Variants in GALNT13 observed in about 807,000 individuals in gnomAD.
The protein encoded by GALNT13 is polypeptide N-acetylgalactosaminyltransferase 13.
Under a neutral mutation model 64.2 loss-of-function variants are expected in GALNT13, and 28 were observed. The observed-to-expected ratio is 0.44, with a 90% CI of 0.32 to 0.60. The LOEUF (loss-of-function observed/expected upper bound fraction) is 0.60, where lower values mean the gene tolerates loss of function less well. Among genes scored for constraint, GALNT13 ranks in the 20% least tolerant of loss-of-function variants. GALNT13 has a pLI of 0.05. For missense variants in GALNT13, 577 were observed against 669.8 expected (o/e 0.86, Z 1.53); for synonymous variants, 214 against 224.6 (o/e 0.95, Z 0.42).
chr2:153,871,681 G>C (rs1685946994), upstream of GALNT13, among the ~76,000 whole-genome samples: 1 of 152,212 alleles, frequency 6.6e-6, no homozygotes, highest in Non-Finnish European at 1.5e-5. Flanking sequence ...CGCGGGACTT[G>C]CGCACATCGC....
At chr2:153,262,486 A>G in the GALNT13 span, among the ~76,000 whole-genome samples, 1 of 152,190 alleles carries the variant, frequency 6.6e-6, no homozygotes, top group Admixed American at 6.5e-5. Flanking sequence ...CCTGGCAGAA[A>G]TACAACAAAA....
intron 9 of GALNT13, among the ~76,000 whole-genome samples, chr2:154,342,533 AT>A (rs2105228315): frequency 6.7e-6 from 1 of 149,878 alleles, no homozygotes; most frequent in African/African-American, 2.4e-5. Flanking sequence ...TTTCTAAATG[AT>A]TTTTTAAAAT....
At chr2:154,360,184 A>G (rs1459504754) in intron 9 of GALNT13, among the ~76,000 whole-genome samples, 1 of 152,150 alleles carries the variant, frequency 6.6e-6, no homozygotes, top group African/African-American at 2.4e-5. Context: ...CATATGTTAC[A>G]GTGGTTTAAT....
chr2:154,056,287 A>G (rs72995331), intron 3 of GALNT13, among the ~76,000 whole-genome samples: 2 of 152,158 alleles, frequency 1.3e-5, no homozygotes, highest in Non-Finnish European at 2.9e-5. Flanking sequence ...TAAGTTGACA[A>G]TGCATTTTAT....
chr2:154,433,293 C>A (rs1183660093), intron 11 of GALNT13, among the ~76,000 whole-genome samples: 1 of 152,202 alleles, frequency 6.6e-6, no homozygotes, highest in East Asian at 1.9e-4. Flanking sequence ...CAAAAAGTGG[C>A]TCACTTATAA....
At chr2:153,101,811 A>T in the GALNT13 span, among the ~76,000 whole-genome samples, 1 of 152,256 alleles carries the variant, frequency 6.6e-6, no homozygotes, top group Non-Finnish European at 1.5e-5. Context: ...GCACGTGCTC[A>T]TGCACATCTG....
At chr2:153,228,708 A>G in the GALNT13 span, among the ~76,000 whole-genome samples, 3 of 151,964 alleles carry the variant, frequency 2.0e-5, no homozygotes, top group Non-Finnish European at 2.9e-5. Context: ...CCCCGTCTCT[A>G]CTAAAAGTAC....
the GALNT13 span, among the ~76,000 whole-genome samples, chr2:153,118,144 CA>C: frequency 6.8e-6 from 1 of 147,566 alleles, no homozygotes; most frequent in Admixed American, 6.8e-5. Context: ...CACACACACA[CA>C]CCCCACATAA....
chr2:154,298,650 G>A (rs1024604720), intron 8 of GALNT13, among the ~76,000 whole-genome samples: 1 of 69,600 alleles, frequency 1.4e-5, no homozygotes. Flanking sequence ...TATATACATT[G>A]TATATACAAT....
chr2:153,075,543 C>G, the GALNT13 span, among the ~76,000 whole-genome samples: 1 of 152,086 alleles, frequency 6.6e-6, no homozygotes, highest in East Asian at 1.9e-4. Flanking sequence ...GTAAATCTCC[C>G]TAGGATTGAG....
At chr2:153,494,834 A>C in the GALNT13 span, among the ~76,000 whole-genome samples, 2 of 152,088 alleles carry the variant, frequency 1.3e-5, no homozygotes, top group Admixed American at 6.5e-5. Flanking sequence ...TAGTAGGAGA[A>C]AACATACATA....
chr2:153,780,879 C>T, the GALNT13 span, among the ~76,000 whole-genome samples: 1 of 152,114 alleles, frequency 6.6e-6, no homozygotes, highest in African/African-American at 2.4e-5. Flanking sequence ...GACATGATTC[C>T]TGTCTCCTCA....
the GALNT13 span, among the ~76,000 whole-genome samples, chr2:153,839,562 A>G: frequency 6.6e-6 from 1 of 151,918 alleles, no homozygotes; most frequent in Non-Finnish European, 1.5e-5. Flanking sequence ...TATATAAGGA[A>G]ATGTTAATAT....
At chr2:153,966,936 C>G (rs1693408458) in intron 3 of GALNT13, among the ~76,000 whole-genome samples, 1 of 151,970 alleles carries the variant, frequency 6.6e-6, no homozygotes, top group African/African-American at 2.4e-5. Context: ...TTTTTCACCC[C>G]TGACTGTATA....
the GALNT13 span, among the ~76,000 whole-genome samples, chr2:153,557,669 T>A: frequency 6.6e-6 from 1 of 152,196 alleles, no homozygotes; most frequent in Non-Finnish European, 1.5e-5. Context: ...ATAAATCATG[T>A]CACTCCTCGG....
chr2:154,251,968 C>T (rs1302478487), intron 7 of GALNT13, among the ~76,000 whole-genome samples: 1 of 152,000 alleles, frequency 6.6e-6, no homozygotes, highest in Non-Finnish European at 1.5e-5. Flanking sequence ...TATTCATGCT[C>T]ATATTTGTAA....
chr2:153,315,282 A>G, the GALNT13 span, among the ~76,000 whole-genome samples: 1 of 152,168 alleles, frequency 6.6e-6, no homozygotes, highest in Non-Finnish European at 1.5e-5. Context: ...TCACTGGTAG[A>G]TTTGGTGCCT....
intron 9 of GALNT13, among the ~76,000 whole-genome samples, chr2:154,387,340 C>T (rs1698561555): frequency 6.6e-6 from 1 of 151,728 alleles, no homozygotes; most frequent in Non-Finnish European, 1.5e-5. Context: ...AATCATAAGG[C>T]ACAATGTGAT....
the GALNT13 span, among the ~76,000 whole-genome samples, chr2:153,085,317 A>G: frequency 6.6e-6 from 1 of 152,202 alleles, no homozygotes; most frequent in Non-Finnish European, 1.5e-5. Flanking sequence ...CATAAGTAAC[A>G]AGGAGCTGGA....
Sources: gnomAD v4.1 joint callset for allele counts (sites outside exome capture counted in the v4.1 genomes callset) on GRCh38, gnomAD v4.1.1 for gene constraint, MANE v1.5 for transcripts, NCBI Gene and HGNC (gene_info 2026-07-23, HGNC 2026-07-21) for gene names.